The following PCOLCE2 variants were observed in gnomAD, a reference collection of about 807,000 sequenced individuals.
The protein encoded by PCOLCE2 is procollagen C-endopeptidase enhancer 2.
In PCOLCE2, 42 loss-of-function variants were observed where a neutral mutation model predicts 47.0. That is an observed-to-expected ratio of 0.89 (90% CI 0.70 to 1.16). The LOEUF (loss-of-function observed/expected upper bound fraction) is 1.16, where lower values mean the gene tolerates loss of function less well. Among genes scored for constraint, PCOLCE2 ranks in the 50% most tolerant of loss-of-function variants. The pLI is 0.00. For synonymous variants in PCOLCE2, 169 were observed against 191.7 expected (o/e 0.88, Z 0.98); for missense variants, 500 against 526.1 (o/e 0.95, Z 0.49).
At chr3:142,868,156 G>A (rs963521049) in intron 2 of PCOLCE2, among the ~76,000 whole-genome samples, 1 of 152,128 alleles carries the variant, frequency 6.6e-6, no homozygotes, top group Non-Finnish European at 1.5e-5. Context: ...GACGTGCAGG[G>A]CTCTAAGGAA....
At chr3:142,821,556 G>C (rs1232132364) in intron 7 of PCOLCE2, among the ~76,000 whole-genome samples, 3 of 151,996 alleles carry the variant, frequency 2.0e-5, no homozygotes, top group East Asian at 1.9e-4. Context: ...CTGAACTTTT[G>C]TTCATTCCCT....
chr3:142,820,945 C>A lies in PCOLCE2; in HGVS notation c.1050G>T (p.Gln350His). 1.2e-6 allele frequency: 2 copies of A among 1,614,088 alleles called. No individual in the cohort carries two copies. Among genetic ancestry groups the A allele is most frequent in the Non-Finnish European group, 1.7e-6 (2 of 1,179,988 alleles). Residue 350 changes from glutamine to histidine, a missense_variant, in exon 8 of 9, where the codon CAG (glutamine) becomes CAT (histidine). Transcript: ENST00000295992. ...TGGCACTCATGTTCTTGCCCGCCTG[C>A]TGAATCGCCAAATTTCCCTCTTTGT... ...NIYKEGNLAI[Q>H]QAGKNMSARL...
At chr3:142,846,063 A>G (rs1937325435) in intron 3 of PCOLCE2, among the ~76,000 whole-genome samples, 1 of 152,020 alleles carries the variant, frequency 6.6e-6, no homozygotes, top group Admixed American at 6.6e-5. Flanking sequence ...TTCTGTATGG[A>G]ATTTAGTTTC....
At chr3:142,847,032 G>C (rs1937335299) in intron 3 of PCOLCE2, among the ~76,000 whole-genome samples, 1 of 152,158 alleles carries the variant, frequency 6.6e-6, no homozygotes, top group South Asian at 2.1e-4. Flanking sequence ...CTACAGACTG[G>C]ACATTATGCA....
intron 2 of PCOLCE2, among the ~76,000 whole-genome samples, chr3:142,856,473 A>C (rs1216347485): frequency 3.3e-5 from 5 of 152,222 alleles, no homozygotes; most frequent in Non-Finnish European, 1.5e-5. Context: ...CTCTTGTGCA[A>C]ATGCTGCCTA....
chr3:142,852,129 C>G (rs1305324680), intron 2 of PCOLCE2, among the ~76,000 whole-genome samples: 3 of 152,202 alleles, frequency 2.0e-5, no homozygotes, highest in Non-Finnish European at 4.4e-5. Context: ...CTCCTATAAC[C>G]AGAGACAAAT....
chr3:142,825,315 T>C (rs987860919), intron 6 of PCOLCE2, among the ~76,000 whole-genome samples: 1 of 152,184 alleles, frequency 6.6e-6, no homozygotes, highest in African/African-American at 2.4e-5. Flanking sequence ...GCCTGCTGTC[T>C]GGCCTGCAAG....
chr3:142,840,905 C>T (rs1303758161), intron 4 of PCOLCE2, among the ~76,000 whole-genome samples: 2 of 151,972 alleles, frequency 1.3e-5, no homozygotes, highest in Non-Finnish European at 2.9e-5. Flanking sequence ...GAAACCCCAT[C>T]TCCACTAAAA....
intron 5 of PCOLCE2, among the ~76,000 whole-genome samples, chr3:142,838,093 CA>C: frequency 6.6e-6 from 1 of 152,278 alleles, no homozygotes; most frequent in East Asian, 1.9e-4. Context: ...TGCTTGATCT[CA>C]TTCTTACAGG....
Position 142,840,691 on chromosome 3 carries a change from T to C in PCOLCE2, c.574-1785A>G, listed in dbSNP as rs952405598. Among the ~76,000 whole-genome samples the C allele has an allele frequency of 3.3e-5, 5 of 152,306 alleles. No homozygotes were observed. The East Asian group carries it at 9.7e-4, about 29-fold the overall frequency. On this transcript the variant is annotated intron_variant, in intron 4 of 8. Coordinates refer to ENST00000295992, the MANE Select transcript of PCOLCE2 (RefSeq NM_013363.4). ...GATGGCTTTAAATTGTATTAAAATA[T>C]TTCCTCTTTGGGTCCAGTGACTTCT...
intron 2 of PCOLCE2, among the ~76,000 whole-genome samples, chr3:142,877,145 C>G (rs1933512290): frequency 6.6e-6 from 1 of 152,202 alleles, no homozygotes; most frequent in African/African-American, 2.4e-5. Flanking sequence ...CATCTATAAA[C>G]AGAGAAAATT....
chr3:142,843,214 C>A, intron 3 of PCOLCE2, 166 bp from the exon 4 acceptor site: 1 of 708,214 alleles, frequency 1.4e-6, no homozygotes, highest in South Asian at 1.5e-5. Context: ...TACATAACCC[C>A]CCAACACACA....
At chr3:142,836,791 G>A (rs1937208555) in intron 5 of PCOLCE2, among the ~76,000 whole-genome samples, 1 of 151,944 alleles carries the variant, frequency 6.6e-6, no homozygotes, top group Non-Finnish European at 1.5e-5. Context: ...GGAGGTAGAG[G>A]ATAAACATGA....
chr3:142,875,934 T>C (rs1237334605), intron 2 of PCOLCE2, among the ~76,000 whole-genome samples: 1 of 152,216 alleles, frequency 6.6e-6, no homozygotes. Context: ...GGCCTTTCCA[T>C]TCATAAACAT....
intron 2 of PCOLCE2, among the ~76,000 whole-genome samples, chr3:142,862,757 G>A (rs189375567): frequency 1.3e-5 from 2 of 152,122 alleles, no homozygotes; most frequent in Admixed American, 6.5e-5. Context: ...AACTCCAAAG[G>A]ACTGAAAGAC....
rs1553819747 is a variant in PCOLCE2 at position 142,888,980 on chromosome 3, C to CAGCAGCGCTG, written c.-85_-84insCAGCGCTGCT. The CAGCAGCGCTG allele has an allele frequency of 3.9e-5, 20 of 514,108 alleles. No homozygotes were observed. Among genetic ancestry groups the CAGCAGCGCTG allele is most frequent in the Non-Finnish European group, 5.4e-5 (17 of 316,312 alleles). 31.8% of individuals were successfully genotyped at this position (514,108 alleles called of 1,614,324 possible). The stretch of plus-strand genomic sequence containing the variant: ...TCCGCACCCACCGCGCTCACACCGC[C>CAGCAGCGCTG]GCTCACACTGGCAGCAGCGCTGGCT... On this transcript the variant is annotated 5_prime_UTR_variant, in exon 1 of 9. Coordinates refer to ENST00000295992, the MANE Select transcript of PCOLCE2 (RefSeq NM_013363.4).
intron 2 of PCOLCE2, among the ~76,000 whole-genome samples, chr3:142,881,950 C>A (rs1182675632): frequency 6.6e-6 from 1 of 152,132 alleles, no homozygotes; most frequent in African/African-American, 2.4e-5. Context: ...AATGGGACTG[C>A]CTCTACCCAT....
chr3:142,843,453 C>G, intron 3 of PCOLCE2: 1 of 331,994 alleles, frequency 3.0e-6, no homozygotes, highest in Non-Finnish European at 5.8e-6. Flanking sequence ...TTGATATAGA[C>G]AGCTCTCATT....
chr3:142,886,141 A>G (rs933473650), intron 2 of PCOLCE2, among the ~76,000 whole-genome samples: 2 of 152,210 alleles, frequency 1.3e-5, no homozygotes, highest in African/African-American at 4.8e-5. Context: ...GCATCCATTT[A>G]ACTTCCCCAC....
Sources: allele counts gnomAD v4.1 joint callset (sites outside exome capture counted in the v4.1 genomes callset), GRCh38; gene constraint gnomAD v4.1.1; transcripts MANE v1.5; gene names NCBI Gene and HGNC (gene_info 2026-07-23, HGNC 2026-07-21).